The following INSR variants were observed in gnomAD, a reference collection of about 807,000 sequenced individuals.
INSR encodes IR.
Under a neutral mutation model 142.6 loss-of-function variants are expected in INSR, and 67 were observed. The observed-to-expected ratio is 0.47, with a 90% confidence interval of 0.39 to 0.58. The LOEUF is 0.58. Ranked by LOEUF, INSR falls within the 20% of genes least tolerant of loss-of-function variation. The pLI is 0.00. For missense variants in INSR, 1,248 were observed against 1,833.2 expected, an observed-to-expected ratio of 0.68 and a Z score of 5.83; for synonymous variants, 756 against 743.1, an observed-to-expected ratio of 1.02 and a Z score of -0.28.
chr19:7,293,693 G>A, intron 1 of INSR, 99 bp downstream of exon 1: 1 of 992,382 alleles, frequency 1.0e-6, no homozygotes, highest in East Asian at 4.1e-5. Flanking sequence ...CGCCCCTGGG[G>A]AGGGTTCTCA....
intron 2 of INSR, among the ~76,000 whole-genome samples, chr19:7,193,116 TTTC>T (rs1453523126): frequency 4.9e-5 from 7 of 142,186 alleles, no homozygotes; most frequent in Non-Finnish European, 1.1e-4. Context: ...ATTTCTTTTT[TTTC>T]TTTTTTTTTT....
rs148134857 is a variant in INSR at position 7,222,489 on chromosome 19, G to A, written c.653-37852C>T. Among the ~76,000 whole-genome samples the A allele has an allele frequency of 3.4e-3, 517 of 152,102 alleles. 2 individuals carry two copies. The highest frequency in any genetic ancestry group is 0.011 in the African/African-American group (470 of 41,478). On this transcript the variant is annotated intron_variant, in intron 2 of 21. Coordinates refer to ENST00000302850, the MANE Select transcript of INSR (RefSeq NM_000208.4). ...GCTCACTGCAGCATCAAACTCCTGC[G>A]GTCAAGCAATCCTCCTGCTTCAGCC... is the stretch of plus-strand genomic sequence containing the variant.
chr19:7,239,545 C>G (rs1345464519), intron 2 of INSR, among the ~76,000 whole-genome samples: 1 of 152,038 alleles, frequency 6.6e-6, no homozygotes, highest in Non-Finnish European at 1.5e-5. Flanking sequence ...GGAGTATATA[C>G]TAGATCTAAA....
At chr19:7,130,544 A>G (rs1390725918) in intron 14 of INSR, among the ~76,000 whole-genome samples, 1 of 152,170 alleles carries the variant, frequency 6.6e-6, no homozygotes, top group Non-Finnish European at 1.5e-5. Flanking sequence ...ACTGTATAAT[A>G]AGTGGGTTCT....
Position 7,227,393 on chromosome 19 carries a change from C to T in INSR, c.652+39952G>A, listed in dbSNP as rs111622400. ...GCTCAAGCAATCCTCTCAACTCAGCCTCTCAAGTAGCTGGGACTACAGGCA... is the reference window on the plus strand; with the variant it reads ...GCTCAAGCAATCCTCTCAACTCAGCTTCTCAAGTAGCTGGGACTACAGGCA... On this transcript the variant is annotated intron_variant, in intron 2 of 21. Coordinates refer to ENST00000302850, the MANE Select transcript of INSR (RefSeq NM_000208.4). Among the ~76,000 whole-genome samples the T allele has an allele frequency of 3.7e-3, 559 of 152,138 alleles. 2 individuals are homozygous for T. The highest frequency in any genetic ancestry group is 0.013 in the African/African-American group (525 of 41,502).
At chr19:7,190,691 C>T (rs1398498236) in intron 2 of INSR, among the ~76,000 whole-genome samples, 3 of 152,190 alleles carry the variant, frequency 2.0e-5, no homozygotes, top group Non-Finnish European at 4.4e-5. Context: ...GACTATCCTT[C>T]GAACACTATA....
intron 2 of INSR, among the ~76,000 whole-genome samples, chr19:7,191,309 GAAAGAAAGAAAGAA>G (rs1292567234): frequency 6.6e-4 from 93 of 139,872 alleles, no homozygotes; most frequent in African/African-American, 2.2e-3. Context: ...AAAGAAAAGA[GAAAGAAAGAAAGAA>G]AAAGAAAGAA....
chr19:7,283,363 C>T (rs1002245713), intron 1 of INSR, among the ~76,000 whole-genome samples: 1 of 152,106 alleles, frequency 6.6e-6, no homozygotes, highest in South Asian at 2.1e-4. Flanking sequence ...GGTTTCCACG[C>T]AGATGAAAAT....
Position 7,293,808 on chromosome 19 carries a change from G to T in INSR, c.84C>A (p.His28Gln), listed in dbSNP as rs755298967. 1.2e-5 allele frequency: 16 copies of T among 1,355,960 alleles called. No homozygotes were observed. The African/African-American group carries it at 2.3e-4, about 19-fold the overall frequency. The allele number at this position is 1,355,960 out of a possible 1,614,324, so 84.0% of individuals were successfully genotyped here. Residue 28 changes from histidine (H) to glutamine (Q), a missense_variant, in exon 1 of 22, where the codon CAC becomes CAA. Transcript: ENST00000302850. Reference protein sequence around the residue: ...VAALLLGAAGHLYPGEVCPGM... With the variant: ...VAALLLGAAGQLYPGEVCPGM... ...CAGACTCACCCTCTCCGGGGTACAG[G>T]TGGCCCGCGGCGCCCAGTAGCAGCG...
intron 15 of INSR, among the ~76,000 whole-genome samples, chr19:7,127,510 G>T (rs1488840952): frequency 6.6e-6 from 1 of 152,082 alleles, no homozygotes; most frequent in Non-Finnish European, 1.5e-5. Context: ...ATGCAGTTGA[G>T]GTTATTTACA....
At chr19:7,252,289 A>G (rs8109384) in intron 2 of INSR, among the ~76,000 whole-genome samples, 116,357 of 151,914 alleles carry the variant, frequency 0.77, 45,192 homozygotes, top group African/African-American at 0.87. Context: ...GTGTTCACCT[A>G]TAATCCCAGT....
chr19:7,210,070 C>T (rs1183375675), intron 2 of INSR, among the ~76,000 whole-genome samples: 1 of 151,900 alleles, frequency 6.6e-6, no homozygotes, highest in Non-Finnish European at 1.5e-5. Context: ...AAGAGCCAGG[C>T]GCAGTGGCTC....
At chr19:7,289,926 T>C (rs1271571589) in intron 1 of INSR, among the ~76,000 whole-genome samples, 1 of 152,156 alleles carries the variant, frequency 6.6e-6, no homozygotes, top group East Asian at 1.9e-4. Flanking sequence ...CCACCAGGAA[T>C]GATCCAGCCC....
intron 2 of INSR, among the ~76,000 whole-genome samples, chr19:7,238,617 C>CAAAAAAAA (rs796144540): frequency 4.3e-5 from 3 of 69,018 alleles, no homozygotes; most frequent in African/African-American, 1.3e-4. Flanking sequence ...TGCTCCATCT[C>CAAAAAAAA]AAAAAAAAAA....
intron 2 of INSR, among the ~76,000 whole-genome samples, chr19:7,209,685 A>AT (rs1453264046): frequency 6.6e-6 from 1 of 151,976 alleles, no homozygotes; most frequent in Non-Finnish European, 1.5e-5. Context: ...AAGTGCTGGG[A>AT]TTACAGGTGT....
chr19:7,144,465 G>A (rs966236217), intron 11 of INSR, among the ~76,000 whole-genome samples: 63 of 152,180 alleles, frequency 4.1e-4, no homozygotes, highest in African/African-American at 1.2e-3. Flanking sequence ...GTGCGACGGC[G>A]TGATCTTGGC....
chr19:7,124,541 GAAAAAAAAAAAAAAAAAAAAAAAAAA>G (rs531613079), intron 17 of INSR, among the ~76,000 whole-genome samples: 8 of 9,924 alleles, frequency 8.1e-4, no homozygotes, highest in East Asian at 4.5e-3. Context: ...TCCGTTTCAG[GAAAAAAAAAAAAAAAAAAAAAAAAAA>G]AAAAAAAAAA....
At chr19:7,178,806 G>T (rs559163234) in intron 3 of INSR, among the ~76,000 whole-genome samples, 3 of 152,328 alleles carry the variant, frequency 2.0e-5, no homozygotes, top group African/African-American at 7.2e-5. Flanking sequence ...TGTCAAGAGG[G>T]TGATACATGC....
intron 2 of INSR, among the ~76,000 whole-genome samples, chr19:7,240,233 A>G (rs1976298225): frequency 6.6e-6 from 1 of 152,270 alleles, no homozygotes. Flanking sequence ...ATACTGAAAA[A>G]TAAATAAGAT....
Sources: gnomAD v4.1 joint callset for allele counts (sites outside exome capture counted in the v4.1 genomes callset) on GRCh38, gnomAD v4.1.1 for gene constraint, MANE v1.5 for transcripts, NCBI Gene and HGNC (gene_info 2026-07-23, HGNC 2026-07-21) for gene names.